MYO18A: variants seen among roughly 807,000 people sequenced by gnomAD.
The protein encoded by MYO18A is myosin XVIIIA.
MYO18A carries 78 observed loss-of-function variants against 235.8 expected under a neutral mutation model. The observed-to-expected ratio is 0.33, with a 90% CI of 0.28 to 0.40. The LOEUF is 0.40. MYO18A is among the 10% of genes least tolerant of loss of function. MYO18A has a pLI of 1.00. For missense variants in MYO18A, 2,215 were observed against 2,699.3 expected, an observed-to-expected ratio of 0.82 and a Z score of 3.98; for synonymous variants, 977 against 1,077.8, an observed-to-expected ratio of 0.91 and a Z score of 1.83.
intron 2 of MYO18A, among the ~76,000 whole-genome samples, chr17:29,142,114 T>C (rs60978479): frequency 0.027 from 4,088 of 152,266 alleles, 73 homozygotes; most frequent in Non-Finnish European, 0.035. Flanking sequence ...CCGGCTAATT[T>C]TTTGTATTTT....
At chr17:29,171,557 A>G (rs769859819) in intron 1 of MYO18A, among the ~76,000 whole-genome samples, 1 of 152,220 alleles carries the variant, frequency 6.6e-6, no homozygotes, top group Non-Finnish European at 1.5e-5. Context: ...GGGGCGAAAT[A>G]TACTGATGTC....
At chr17:29,091,836 C>T (rs971338495) in intron 34 of MYO18A, 5 of 342,584 alleles carry the variant, frequency 1.5e-5, no homozygotes, top group Non-Finnish European at 2.3e-5. Context: ...CTGTACTGGC[C>T]GCATCCCAGT....
chr17:29,115,265 G>T, intron 13 of MYO18A, 86 bp downstream of exon 13: 1 of 1,507,416 alleles, frequency 6.6e-7, no homozygotes, highest in Non-Finnish European at 9.1e-7. Context: ...GGAAGAGACC[G>T]GCTCTGCCTC....
rs568974550 is a variant in MYO18A at position 29,126,511 on chromosome 17, C to T, written c.1000-4258G>A. On this transcript the variant is annotated intron_variant, in intron 2 of 41. Transcript: ENST00000527372. The surrounding 1 kb of genome is among the most constrained non-coding windows in gnomAD (Gnocchi z 4.1). ...GAGTGGGCCAGGTGGGTGGGGGAAG[C>T]GGCGGCTGGCTTTTCTCTAAGTGCT... 1.9e-4 allele frequency among the ~76,000 whole-genome samples: 29 copies of T among 152,256 alleles called. No homozygotes were observed. Among genetic ancestry groups the T allele is most frequent in the Admixed American group, 5.2e-4 (8 of 15,304 alleles).
rs761551329 is a variant in MYO18A at position 29,085,616 on chromosome 17, C to G, written c.5885G>C (p.Arg1962Thr). The stretch of plus-strand genomic sequence containing the variant: ...CTCCAGTCCTCACAGTTTATTCTTT[C>G]TTTTCTGATACTTTGTCACCATGTC... ...LQDMVTKYQKRKNKLEGDSDV... is the reference protein window; with the variant it reads ...LQDMVTKYQKTKNKLEGDSDV... Residue 1962 changes from arginine (R) to threonine (T), a missense_variant, in exon 40 of 42, where the codon AGA becomes ACA. Physicochemically the swap from Arg to Thr is moderately conservative, Grantham distance 71. Transcript: ENST00000527372. 1.4e-5 allele frequency: 22 copies of G among 1,613,912 alleles called. No individual in the cohort carries two copies. Among genetic ancestry groups the G allele is most frequent in the Admixed American group, 1.3e-4 (8 of 59,994 alleles).
intron 41 of MYO18A, chr17:29,080,755 C>T: frequency 1.0e-6 from 1 of 985,564 alleles, no homozygotes; most frequent in African/African-American, 1.7e-5. Context: ...GGTCCCCGAG[C>T]GGACGGAGCC....
intron 2 of MYO18A, chr17:29,165,362 G>A (rs1266499505): frequency 6.6e-6 from 1 of 152,392 alleles, no homozygotes; most frequent in East Asian, 1.9e-4. Flanking sequence ...TTAGGGCTCA[G>A]GAAATATGGT....
intron 1 of MYO18A, among the ~76,000 whole-genome samples, chr17:29,167,700 CA>C (rs748643802): frequency 0.027 from 3,253 of 118,880 alleles, 73 homozygotes; most frequent in African/African-American, 0.074. Flanking sequence ...GACCCTGTCT[CA>C]AAAAAAAAAA....
At chr17:29,172,797 A>G (rs1394478782) in intron 1 of MYO18A, among the ~76,000 whole-genome samples, 3 of 152,234 alleles carry the variant, frequency 2.0e-5, no homozygotes, top group African/African-American at 7.2e-5. Context: ...CACAAGGCCA[A>G]GCTGGATCAC....
rs141791878 is a variant in MYO18A, at chr17:29,076,310, G to A, written c.6021-1396C>T. On this transcript the variant is annotated intron_variant, in intron 41 of 41. Coordinates refer to ENST00000527372, the MANE Select transcript of MYO18A (RefSeq NM_078471.4). Reference sequence around the variant, plus strand: ...CAAAGACTTTGGACGACTTCACCCCGCCACTCGATTGGTTGACCTGAGATT... The same window carrying A: ...CAAAGACTTTGGACGACTTCACCCCACCACTCGATTGGTTGACCTGAGATT... 6 of 133,416 alleles carry A rather than the reference G, an allele frequency of 4.5e-5. No homozygotes were observed. The East Asian group carries it at 1.2e-3, about 26-fold the overall frequency. The allele number at this position is 133,416 out of a possible 1,614,324, so 8.3% of individuals were successfully genotyped here.
At chr17:29,138,783 T>C (rs1205286760) in intron 2 of MYO18A, among the ~76,000 whole-genome samples, 6 of 152,166 alleles carry the variant, frequency 3.9e-5, no homozygotes, top group Non-Finnish European at 7.3e-5. Context: ...TCAGGTCTCC[T>C]GCGAGAGCCC....
chr17:29,087,746 TA>T (rs1344193451), intron 37 of MYO18A, among the ~76,000 whole-genome samples: 1 of 151,758 alleles, frequency 6.6e-6, no homozygotes, highest in Non-Finnish European at 1.5e-5. Context: ...CCCCAGCCTC[TA>T]TATCCCTAAA....
chr17:29,095,202 T>C lies in MYO18A; in HGVS notation c.4386-143A>G, dbSNP rs1351998451. ...CCCTAACGTGGGGCCAGTTGTAAGG[T>C]AGCGGTGACATTTAGAGGTGGCAGG... On this transcript the variant is annotated intron_variant, in intron 28 of 41. Coordinates refer to ENST00000527372, the MANE Select transcript of MYO18A (RefSeq NM_078471.4). 4.7e-6 allele frequency: 6 copies of C among 1,274,524 alleles called. No homozygotes were observed. The East Asian group carries it at 1.3e-4, about 27-fold the overall frequency. 79.0% of individuals were successfully genotyped at this position (1,274,524 alleles called of 1,614,324 possible).
Position 29,094,678 on chromosome 17 carries a change from T to C in MYO18A, c.4682A>G (p.Gln1561Arg). ...TTCCAGCATCTGGATGGTCCCTGCC[T>C]GCTCATCCAGCTCTTCTTCCTGATC... ...VKDQEEELDE[Q>R]AGTIQMLEQA... Residue 1561 changes from glutamine (Q) to arginine (R), a missense_variant, in exon 30 of 42, where the codon CAG (glutamine) becomes CGG (arginine). By Grantham distance (43) the Gln-to-Arg change is conservative (BLOSUM62 1). Coordinates refer to ENST00000527372, the MANE Select transcript of MYO18A (RefSeq NM_078471.4). 2 of 1,614,082 alleles carry C rather than the reference T, an allele frequency of 1.2e-6. No individual in the cohort carries two copies. The highest frequency in any genetic ancestry group is 1.7e-6 in the Non-Finnish European group (2 of 1,179,906).
At chr17:29,090,152 A>G (rs1239743724) in intron 36 of MYO18A, 54 bp from the exon 37 acceptor site, 2 of 1,574,206 alleles carry the variant, frequency 1.3e-6, no homozygotes, top group East Asian at 2.3e-5. Flanking sequence ...AAGGGAGGAG[A>G]CTGCGTCTGG....
At position 29,074,651 on chromosome 17, in the gene MYO18A, G is replaced by T; in HGVS notation, c.*119C>A. Reference sequence around the variant, plus strand: ...GTGCCCCTGACAGAAGAAGGTCAGGGTGTTTCCCATGCAGATCAGCAGTCG... The same window carrying T: ...GTGCCCCTGACAGAAGAAGGTCAGGTTGTTTCCCATGCAGATCAGCAGTCG... On this transcript the variant is annotated 3_prime_UTR_variant, in exon 42 of 42. Coordinates refer to ENST00000527372, the MANE Select transcript of MYO18A (RefSeq NM_078471.4). This position sits in a 1 kb window ranked among gnomAD's most constrained non-coding sequence, Gnocchi z 4.4. 1 of 1,121,524 alleles carries T rather than the reference G, an allele frequency of 8.9e-7. No homozygotes were observed. The highest frequency in any genetic ancestry group is 1.3e-6 in the Non-Finnish European group (1 of 755,582). 69.5% of individuals were successfully genotyped at this position (1,121,524 alleles called of 1,614,324 possible). A position where few individuals can be genotyped will look rare whatever the true frequency, so the allele number is the denominator to read the frequency against.
At chr17:29,115,534 G>A in intron 12 of MYO18A, 93 bp from the exon 13 acceptor site, 1 of 1,491,326 alleles carries the variant, frequency 6.7e-7, no homozygotes, top group Non-Finnish European at 9.0e-7. Context: ...TCAGCACGGG[G>A]CCTGGGGCAG....
chr17:29,179,831 C>G (rs2068609472), intron 1 of MYO18A, among the ~76,000 whole-genome samples: 1 of 152,122 alleles, frequency 6.6e-6, no homozygotes, highest in Admixed American at 6.5e-5. Flanking sequence ...GTGAAGGCCG[C>G]TGGGAGGGAT....
rs1293607271 is a variant in MYO18A at position 29,072,129 on chromosome 17, C to T, written c.*2641G>A. 6.9e-6 allele frequency: 1 copy of T among 145,768 alleles called. No individual in the cohort carries two copies. Among genetic ancestry groups the T allele is most frequent in the East Asian group, 2.0e-4 (1 of 4,946 alleles). The allele number at this position is 145,768 out of a possible 1,614,324, so 9.0% of individuals were successfully genotyped here. A position where few individuals can be genotyped will look rare whatever the true frequency, so the allele number is the denominator to read the frequency against. On this transcript the variant is annotated 3_prime_UTR_variant, in exon 42 of 42. Transcript: ENST00000527372. ...TTGTCACACTAGTCCCTAGTAGAAACAGAAAATGTACCACGCTATGTGAAA... is the reference window on the plus strand; with the variant it reads ...TTGTCACACTAGTCCCTAGTAGAAATAGAAAATGTACCACGCTATGTGAAA...
Sources: allele counts gnomAD v4.1 joint callset (sites outside exome capture counted in the v4.1 genomes callset), GRCh38; gene constraint gnomAD v4.1.1; non-coding constraint Gnocchi (gnomAD v3.1); transcripts MANE v1.5; gene names NCBI Gene and HGNC (gene_info 2026-07-23, HGNC 2026-07-21).